Variants in SCARA3 observed in about 807,000 individuals in gnomAD.
SCARA3 encodes the protein scavenger receptor class A member 3.
In SCARA3, 39 loss-of-function variants were observed where a neutral mutation model predicts 47.0. The observed-to-expected ratio is 0.83, with a 90% CI of 0.64 to 1.08. The LOEUF (loss-of-function observed/expected upper bound fraction) is 1.08, where lower values mean the gene tolerates loss of function less well. SCARA3 is among the 50% of genes least tolerant of loss of function. The pLI, the probability that SCARA3 is intolerant of heterozygous loss-of-function variation, is 0.00. For synonymous variants in SCARA3, 356 were observed against 334.1 expected, an observed-to-expected ratio of 1.07 and a Z score of -0.71; for missense variants, 724 against 792.3, an observed-to-expected ratio of 0.91 and a Z score of 1.04.
the SCARA3 span, among the ~76,000 whole-genome samples, chr8:27,710,092 T>C: frequency 6.6e-6 from 1 of 152,114 alleles, no homozygotes; most frequent in Non-Finnish European, 1.5e-5. Context: ...TAGTAGGGTG[T>C]GGTGGTGCAT....
chr8:27,650,995 G>T (rs1992359), intron 2 of SCARA3, among the ~76,000 whole-genome samples: 28,456 of 152,182 alleles, frequency 0.19, 3,240 homozygotes, highest in Middle Eastern at 0.33. Flanking sequence ...CAAGTGCTGG[G>T]ATTACAGGCA....
the SCARA3 span, among the ~76,000 whole-genome samples, chr8:27,717,671 G>C: frequency 6.6e-6 from 1 of 152,056 alleles, no homozygotes; most frequent in Non-Finnish European, 1.5e-5. Context: ...TGTAGTCCCA[G>C]CTACTCGGGA....
chr8:27,686,265 GC>G, the SCARA3 span, among the ~76,000 whole-genome samples: 2 of 151,760 alleles, frequency 1.3e-5, no homozygotes, highest in African/African-American at 4.8e-5. Flanking sequence ...ACATAGGGAG[GC>G]CCCTTCTCTA....
At chr8:27,639,596 G>A (rs1434625248) in intron 1 of SCARA3, among the ~76,000 whole-genome samples, 7 of 152,302 alleles carry the variant, frequency 4.6e-5, no homozygotes, top group Admixed American at 1.3e-4. Context: ...TAAAGGACAC[G>A]CGGTTGTGTC....
chr8:27,671,600 A>C lies in SCARA3; in HGVS notation c.*249A>C, dbSNP rs1802160552. The C allele has an allele frequency of 8.1e-7, 1 of 1,233,196 alleles. No homozygotes were observed. The highest frequency in any genetic ancestry group is 1.0e-6 in the Non-Finnish European group (1 of 988,368). 76.4% of individuals were successfully genotyped at this position (1,233,196 alleles called of 1,614,324 possible). On this transcript the variant is annotated 3_prime_UTR_variant, in exon 6 of 6. Transcript: ENST00000301904. ...CACATGCACACATACACGCACATGC[A>C]CACATACACATGCATGCACACATAC...
At chr8:27,731,302 C>G in the SCARA3 span, among the ~76,000 whole-genome samples, 1 of 151,260 alleles carries the variant, frequency 6.6e-6, no homozygotes, top group South Asian at 2.1e-4. Context: ...GTCTCAGTAT[C>G]TTGCCCAAGC....
chr8:27,720,947 T>C, the SCARA3 span, among the ~76,000 whole-genome samples: 10 of 152,060 alleles, frequency 6.6e-5, no homozygotes, highest in Admixed American at 6.6e-5. Context: ...TATTCATCCA[T>C]CCACCTATTT....
the SCARA3 span, among the ~76,000 whole-genome samples, chr8:27,706,704 A>G: frequency 6.6e-6 from 1 of 152,132 alleles, no homozygotes; most frequent in Non-Finnish European, 1.5e-5. Context: ...GGTGTTGGAG[A>G]GGGAGAATGG....
chr8:27,728,242 G>A, the SCARA3 span, among the ~76,000 whole-genome samples: 1 of 152,220 alleles, frequency 6.6e-6, no homozygotes, highest in East Asian at 1.9e-4. Context: ...AGTCTCAGAG[G>A]TGGCTGCAGG....
the SCARA3 span, among the ~76,000 whole-genome samples, chr8:27,723,447 T>C: frequency 6.6e-6 from 1 of 152,254 alleles, no homozygotes; most frequent in African/African-American, 2.4e-5. Context: ...ACGCACTGAC[T>C]GTCTCAATCT....
chr8:27,669,480 G>A (rs914091065), intron 5 of SCARA3, among the ~76,000 whole-genome samples: 4 of 152,246 alleles, frequency 2.6e-5, no homozygotes, highest in African/African-American at 9.6e-5. Flanking sequence ...CTGGCACTCT[G>A]GCTGCTGAGC....
chr8:27,650,062 A>G (rs1801599712), intron 2 of SCARA3, among the ~76,000 whole-genome samples: 1 of 152,214 alleles, frequency 6.6e-6, no homozygotes, highest in African/African-American at 2.4e-5. Context: ...GTGCAACCAC[A>G]GATCACTGCA....
rs1801190301 is a variant in SCARA3, at chr8:27,633,969, G to C, written c.-232G>C. The C allele has an allele frequency of 4.8e-6, 1 of 208,392 alleles. No individual in the cohort carries two copies. Among genetic ancestry groups the C allele is most frequent in the South Asian group, 1.6e-4 (1 of 6,140 alleles). The allele number at this position is 208,392 out of a possible 1,614,324, so 12.9% of individuals were successfully genotyped here. A position where few individuals can be genotyped will look rare whatever the true frequency, so the allele number is the denominator to read the frequency against. On this transcript the variant is annotated 5_prime_UTR_variant, in exon 1 of 6. Coordinates refer to ENST00000301904, the MANE Select transcript of SCARA3 (RefSeq NM_016240.3). ...ATGCGCGCTCTGGGCGGCGGGGCGCGGCGCTAGGCGCCCGGCGGGGCTTCC... is the reference window on the plus strand; with the variant it reads ...ATGCGCGCTCTGGGCGGCGGGGCGCCGCGCTAGGCGCCCGGCGGGGCTTCC...
At chr8:27,684,067 G>GA in the SCARA3 span, among the ~76,000 whole-genome samples, 2 of 152,076 alleles carry the variant, frequency 1.3e-5, no homozygotes, top group Admixed American at 6.5e-5. Flanking sequence ...AGAGCTGATA[G>GA]AAAAAAACAT....
At chr8:27,637,987 T>C (rs1801292328) in intron 1 of SCARA3, among the ~76,000 whole-genome samples, 1 of 152,018 alleles carries the variant, frequency 6.6e-6, no homozygotes. Context: ...ACAGCCTAAC[T>C]GAGGGGTCCA....
chr8:27,653,454 T>G (rs1334809509), intron 3 of SCARA3, among the ~76,000 whole-genome samples: 3 of 152,200 alleles, frequency 2.0e-5, no homozygotes, highest in Admixed American at 1.3e-4. Context: ...TTTCCTTTTT[T>G]GTTTTTGCCT....
the SCARA3 span, chr8:27,701,044 T>A: frequency 4.0e-5 from 6 of 151,762 alleles, no homozygotes; most frequent in African/African-American, 1.5e-4. Context: ...TGTTCATCAA[T>A]AGGCAAATGC....
chr8:27,661,338 A>G (rs1801909169), intron 5 of SCARA3, among the ~76,000 whole-genome samples: 1 of 152,216 alleles, frequency 6.6e-6, no homozygotes, highest in Non-Finnish European at 1.5e-5. Context: ...CCTGAGTACA[A>G]CCAAAAACAC....
At chr8:27,708,526 T>C in the SCARA3 span, among the ~76,000 whole-genome samples, 4 of 152,030 alleles carry the variant, frequency 2.6e-5, no homozygotes, top group African/African-American at 9.7e-5. Flanking sequence ...TTTGTCTAAA[T>C]ATGCCTATAA....
Sources: gnomAD v4.1 joint callset for allele counts (sites outside exome capture counted in the v4.1 genomes callset) on GRCh38, gnomAD v4.1.1 for gene constraint, MANE v1.5 for transcripts, NCBI Gene and HGNC (gene_info 2026-07-23, HGNC 2026-07-21) for gene names.